The following SLC27A2 variants were observed in gnomAD, a reference collection of about 807,000 sequenced individuals.
SLC27A2 encodes solute carrier family 27 member 2.
Under a neutral mutation model 60.0 loss-of-function variants are expected in SLC27A2, and 54 were observed. That is an observed-to-expected ratio of 0.90 (90% confidence interval 0.72 to 1.13). The LOEUF is 1.13. Ranked by LOEUF, SLC27A2 falls within the 50% of genes most tolerant of loss-of-function variation. The probability of loss-of-function intolerance (pLI) is 0.00; values close to 1 mark genes in which losing one functional copy is unlikely to be tolerated. For synonymous variants in SLC27A2, 297 were observed against 297.6 expected (o/e 1.00, Z 0.02); for missense variants, 739 against 777.6 (o/e 0.95, Z 0.59).
intron 4 of SLC27A2, among the ~76,000 whole-genome samples, chr15:50,219,011 CAATT>C (rs2045223185): frequency 6.6e-6 from 1 of 152,082 alleles, no homozygotes; most frequent in African/African-American, 2.4e-5. Context: ...GGAAGAAAGG[CAATT>C]AATTCCAGGA....
At position 50,236,127 on chromosome 15, in the gene SLC27A2, A is replaced by G; in HGVS notation, c.*31A>G. ...CCCAGGAGGATAACTCAACATTTCC[A>G]GAAAGAAACTGAATGGACAGCCACT... On this transcript the variant is annotated 3_prime_UTR_variant, in exon 10 of 10. Coordinates refer to ENST00000267842, the MANE Select transcript of SLC27A2 (RefSeq NM_003645.4). The G allele has an allele frequency of 6.7e-7, 1 of 1,500,742 alleles. No homozygotes were observed. Among genetic ancestry groups the G allele is most frequent in the Non-Finnish European group, 9.0e-7 (1 of 1,111,956 alleles). 93.0% of individuals were successfully genotyped at this position (1,500,742 alleles called of 1,614,324 possible). A position where few individuals can be genotyped will look rare whatever the true frequency, so the allele number is the denominator to read the frequency against.
intron 8 of SLC27A2, among the ~76,000 whole-genome samples, chr15:50,232,907 G>C (rs915289174): frequency 6.6e-6 from 1 of 152,166 alleles, no homozygotes; most frequent in Non-Finnish European, 1.5e-5. Context: ...GAAAGCTGGG[G>C]CCCAGGTAAC....
chr15:50,196,966 T>C (rs2045028326), intron 1 of SLC27A2, among the ~76,000 whole-genome samples: 1 of 152,228 alleles, frequency 6.6e-6, no homozygotes, highest in Non-Finnish European at 1.5e-5. Context: ...TCTTTAGTCC[T>C]GTGTGGCACA....
intron 4 of SLC27A2, among the ~76,000 whole-genome samples, chr15:50,206,775 C>T (rs1394609008): frequency 6.6e-6 from 1 of 152,168 alleles, no homozygotes; most frequent in Non-Finnish European, 1.5e-5. Context: ...TAGGCATCAA[C>T]AGATTTTGTG....
chr15:50,194,975 C>A (rs2045002005), intron 1 of SLC27A2, among the ~76,000 whole-genome samples: 1 of 152,076 alleles, frequency 6.6e-6, no homozygotes, highest in African/African-American at 2.4e-5. Context: ...ATCCATAAAG[C>A]TGGGAAGACA....
intron 1 of SLC27A2, among the ~76,000 whole-genome samples, chr15:50,193,911 C>A (rs1185062961): frequency 6.6e-6 from 1 of 152,140 alleles, no homozygotes; most frequent in Non-Finnish European, 1.5e-5. Context: ...GTAATCCCAG[C>A]ATTTTGAAAG....
At chr15:50,183,091 G>A (rs967266257) in intron 1 of SLC27A2, among the ~76,000 whole-genome samples, 186 bp downstream of exon 1, 1 of 152,248 alleles carries the variant, frequency 6.6e-6, no homozygotes, top group Non-Finnish European at 1.5e-5. Context: ...TGTGGAAGCT[G>A]ATAATGTGCT....
At chr15:50,226,647 C>T (rs1011672896) in intron 6 of SLC27A2, among the ~76,000 whole-genome samples, 3 of 152,028 alleles carry the variant, frequency 2.0e-5, no homozygotes, top group Non-Finnish European at 4.4e-5. Flanking sequence ...CAGGAGAATC[C>T]CTTGACCATG....
intron 3 of SLC27A2, among the ~76,000 whole-genome samples, chr15:50,204,568 C>T (rs2045094174): frequency 6.6e-6 from 1 of 151,660 alleles, no homozygotes; most frequent in South Asian, 2.1e-4. Context: ...CCCTTCTCTA[C>T]TAAAAATACA....
intron 7 of SLC27A2, 59 bp downstream of exon 7, chr15:50,227,237 T>A (rs757221553): frequency 6.6e-6 from 9 of 1,353,742 alleles, no homozygotes; most frequent in Admixed American, 1.8e-5. Flanking sequence ...GGCTTACTCC[T>A]AGTGGAATCG....
At chr15:50,226,174 A>G (rs2045277267) in intron 6 of SLC27A2, 96 bp downstream of exon 6, 3 of 766,334 alleles carry the variant, frequency 3.9e-6, no homozygotes, top group South Asian at 3.4e-5. Context: ...GGTAAAATTT[A>G]TCAGAGTGGG....
chr15:50,225,870 A>G, intron 5 of SLC27A2, 118 bp from the exon 6 acceptor site: 1 of 628,400 alleles, frequency 1.6e-6, no homozygotes, highest in Non-Finnish European at 2.8e-6. Flanking sequence ...TTTTAAGGGT[A>G]TATGCAAATG....
chr15:50,226,944 T>C, intron 6 of SLC27A2, 36 bp from the exon 7 acceptor site: 1 of 1,574,888 alleles, frequency 6.3e-7, no homozygotes, highest in Non-Finnish European at 8.7e-7. Context: ...ATTTGACCTC[T>C]AGCACATAAA....
In SLC27A2 at chr15:50,182,832, T is replaced by C. The variant is rs1452726569; in HGVS notation, c.405T>C (p.Asn135=). Residue 135 remains asparagine (N), a synonymous_variant, in exon 1 of 10, where the codon AAT becomes AAC. Coordinates refer to ENST00000267842, the MANE Select transcript of SLC27A2 (RefSeq NM_003645.4). ...VKLGCAMACL[N]YNIRAKSLLH... ...TGGGCTGTGCCATGGCGTGCCTCAA[T>C]TACAACATCCGCGCGAAGTCCCTGC... 2 of 1,613,298 alleles carry C rather than the reference T, an allele frequency of 1.2e-6. No individual in the cohort carries two copies. The highest frequency in any genetic ancestry group is 2.7e-5 in the African/African-American group (2 of 74,904).
At chr15:50,234,968 C>T (rs975047079) in intron 9 of SLC27A2, among the ~76,000 whole-genome samples, 6 of 151,932 alleles carry the variant, frequency 3.9e-5, no homozygotes, top group Admixed American at 3.9e-4. Flanking sequence ...AAGTTCTACA[C>T]CTTTCTGTGG....
At chr15:50,187,752 C>T (rs1344233076) in intron 1 of SLC27A2, among the ~76,000 whole-genome samples, 2 of 152,130 alleles carry the variant, frequency 1.3e-5, no homozygotes, top group Non-Finnish European at 2.9e-5. Flanking sequence ...AAAATTTGAC[C>T]TCCTTTAAAC....
chr15:50,202,491 T>G lies in SLC27A2; in HGVS notation c.693T>G (p.Leu231=). The G allele has an allele frequency of 1.9e-6, 3 of 1,614,132 alleles. No individual in the cohort carries two copies. Among genetic ancestry groups the G allele is most frequent in the Non-Finnish European group, 2.5e-6 (3 of 1,180,018 alleles). The change falls in exon 3 of 10, where the codon CTT becomes CTG. Residue 231 remains leucine, a synonymous_variant. Transcript: ENST00000267842. ...TTCTCTTGTATATTTACAAAGGTCT[T>G]CCAAAAGCAGCCATGATCACTCATC... ...LYIYTSGTTG[L]PKAAMITHQR... is the part of the protein sequence containing the mutation.
At chr15:50,225,174 T>C (rs1426152062) in intron 5 of SLC27A2, among the ~76,000 whole-genome samples, 1 of 152,160 alleles carries the variant, frequency 6.6e-6, no homozygotes, top group African/African-American at 2.4e-5. Flanking sequence ...AAGCATATGA[T>C]TGTTTGCTTC....
intron 6 of SLC27A2, among the ~76,000 whole-genome samples, chr15:50,226,442 G>C (rs7167576): frequency 0.14 from 21,495 of 152,172 alleles, 1,862 homozygotes; most frequent in East Asian, 0.35. Context: ...AGCAGTAAAA[G>C]AATTACAGGC....
Sources: allele counts gnomAD v4.1 joint callset (sites outside exome capture counted in the v4.1 genomes callset), GRCh38; gene constraint gnomAD v4.1.1; transcripts MANE v1.5; gene names NCBI Gene and HGNC (gene_info 2026-07-23, HGNC 2026-07-21).